Variants in ADGRB3 observed in about 807,000 individuals in gnomAD.
ADGRB3 encodes adhesion G protein-coupled receptor B3.
Under a neutral mutation model 193.4 loss-of-function variants are expected in ADGRB3, and 37 were observed. The observed-to-expected ratio is 0.19, with a 90% CI of 0.15 to 0.25. The LOEUF (loss-of-function observed/expected upper bound fraction) is 0.25, where lower values mean the gene tolerates loss of function less well. Among genes scored for constraint, ADGRB3 ranks in the 10% least tolerant of loss-of-function variants. The pLI, the probability that ADGRB3 is intolerant of heterozygous loss-of-function variation, is 1.00. For synonymous variants in ADGRB3, 690 were observed against 644.2 expected (o/e 1.07, Z -1.08); for missense variants, 1,637 against 1,852.9 (o/e 0.88, Z 2.14).
intron 20 of ADGRB3, among the ~76,000 whole-genome samples, chr6:69,312,324 C>T (rs1029231103): frequency 9.2e-5 from 14 of 151,696 alleles, no homozygotes; most frequent in African/African-American, 3.4e-4. Flanking sequence ...ATAGCAAACA[C>T]AGAAGGAAGA....
intron 16 of ADGRB3, among the ~76,000 whole-genome samples, chr6:69,068,905 C>T (rs1771990511): frequency 6.6e-6 from 1 of 152,146 alleles, no homozygotes; most frequent in South Asian, 2.1e-4. Flanking sequence ...CAGTGGCCTT[C>T]ATGTAATTCT....
At chr6:68,908,101 A>C (rs1766598427) in intron 3 of ADGRB3, among the ~76,000 whole-genome samples, 1 of 151,980 alleles carries the variant, frequency 6.6e-6, no homozygotes, top group African/African-American at 2.4e-5. Context: ...TTTAATATTA[A>C]AGACAATAAA....
At chr6:69,170,036 T>C (rs1039618601) in intron 17 of ADGRB3, among the ~76,000 whole-genome samples, 1 of 152,104 alleles carries the variant, frequency 6.6e-6, no homozygotes, top group Non-Finnish European at 1.5e-5. Flanking sequence ...TAGTTCTAAG[T>C]ACAATTAATG....
intron 3 of ADGRB3, among the ~76,000 whole-genome samples, chr6:68,827,548 T>C (rs2127382585): frequency 6.6e-6 from 1 of 152,186 alleles, no homozygotes; most frequent in South Asian, 2.1e-4. Context: ...GCTGGGATTT[T>C]GCTCCGGAAT....
intron 20 of ADGRB3, among the ~76,000 whole-genome samples, chr6:69,287,911 A>G (rs1411147752): frequency 6.6e-6 from 1 of 152,188 alleles, no homozygotes; most frequent in Non-Finnish European, 1.5e-5. Flanking sequence ...TTGTTCAGAT[A>G]CAGTTACTTT....
At chr6:69,388,645 A>G in intron 31 of ADGRB3, 58 bp from the exon 32 acceptor site, 4 of 1,507,282 alleles carry the variant, frequency 2.7e-6, no homozygotes, top group Non-Finnish European at 3.6e-6. Flanking sequence ...TGGAAACTTC[A>G]ACTAGCGGTG....
At chr6:69,163,518 G>A (rs376023225) in intron 17 of ADGRB3, among the ~76,000 whole-genome samples, 31 of 152,114 alleles carry the variant, frequency 2.0e-4, no homozygotes, top group Middle Eastern at 3.4e-3. Flanking sequence ...AAATTAAGGC[G>A]GAGAAAAGCT....
chr6:69,135,550 C>A (rs943515334), intron 17 of ADGRB3, among the ~76,000 whole-genome samples: 2 of 151,874 alleles, frequency 1.3e-5, no homozygotes, highest in African/African-American at 4.8e-5. Context: ...TAAGTACAGG[C>A]AACATGGCAT....
intron 3 of ADGRB3, among the ~76,000 whole-genome samples, chr6:68,764,675 C>A (rs1468385293): frequency 6.6e-6 from 1 of 152,084 alleles, no homozygotes; most frequent in Non-Finnish European, 1.5e-5. Context: ...TAAAATTGTC[C>A]TTTAAAATTA....
chr6:68,680,666 A>G (rs962896335), intron 3 of ADGRB3, among the ~76,000 whole-genome samples: 9 of 152,262 alleles, frequency 5.9e-5, no homozygotes, highest in African/African-American at 1.9e-4. Flanking sequence ...GAGCTACATG[A>G]TATCAGTGGC....
chr6:68,982,187 A>ACTTTG (rs1430680052), intron 10 of ADGRB3, among the ~76,000 whole-genome samples: 2 of 152,022 alleles, frequency 1.3e-5, no homozygotes, highest in African/African-American at 4.8e-5. Flanking sequence ...CTGTGAGTCT[A>ACTTTG]CTTTGCTTTT....
At chr6:69,268,098 G>A (rs537002464) in intron 20 of ADGRB3, among the ~76,000 whole-genome samples, 34 of 152,198 alleles carry the variant, frequency 2.2e-4, no homozygotes, top group Non-Finnish European at 3.2e-4. Flanking sequence ...ATGTATTCTC[G>A]TCTATAGAAA....
chr6:68,837,652 A>G (rs1486058769), intron 3 of ADGRB3, among the ~76,000 whole-genome samples: 2 of 152,218 alleles, frequency 1.3e-5, no homozygotes, highest in Non-Finnish European at 2.9e-5. Flanking sequence ...AGCTGAAGAA[A>G]TAGATATGGG....
intron 17 of ADGRB3, among the ~76,000 whole-genome samples, chr6:69,185,659 C>A (rs1765050366): frequency 6.6e-6 from 1 of 152,092 alleles, no homozygotes; most frequent in Admixed American, 6.6e-5. Context: ...TCACCAGGCT[C>A]TATTTAGGTC....
At chr6:69,170,979 A>G (rs934590166) in intron 17 of ADGRB3, among the ~76,000 whole-genome samples, 10 of 152,218 alleles carry the variant, frequency 6.6e-5, no homozygotes, top group African/African-American at 2.4e-4. Context: ...TAGTAGCCAT[A>G]CGAAAAGTAA....
chr6:68,958,446 T>C (rs960462865), intron 8 of ADGRB3, among the ~76,000 whole-genome samples: 1 of 152,268 alleles, frequency 6.6e-6, no homozygotes, highest in East Asian at 1.9e-4. Flanking sequence ...TTTGATGTTA[T>C]CTAAACCAGT....
chr6:69,139,491 A>G (rs1370956568), intron 17 of ADGRB3, among the ~76,000 whole-genome samples: 1 of 152,236 alleles, frequency 6.6e-6, no homozygotes, highest in African/African-American at 2.4e-5. Flanking sequence ...ATTTTATGTG[A>G]GGAATGGTTT....
rs531813935 is a variant in ADGRB3, at chr6:68,763,215, C to T, written c.757+123783C>T. Among the ~76,000 whole-genome samples the T allele has an allele frequency of 8.5e-5, 13 of 152,210 alleles. No homozygotes were observed. In the South Asian group the frequency reaches 1.5e-3, roughly 17 times the overall value. On this transcript the variant is annotated intron_variant, in intron 3 of 31. Coordinates refer to ENST00000370598, the MANE Select transcript of ADGRB3 (RefSeq NM_001704.3). ...AAGCGATTCTCCTGCCTCAGCTTCT[C>T]GAGTACATGGGATTACAGGCGCCCA...
At chr6:69,179,379 T>G (rs1364891958) in intron 17 of ADGRB3, among the ~76,000 whole-genome samples, 2 of 152,224 alleles carry the variant, frequency 1.3e-5, no homozygotes, top group Non-Finnish European at 2.9e-5. Context: ...CTTCTCCATT[T>G]CGTAGATTGC....
Sources: gnomAD v4.1 joint callset for allele counts (sites outside exome capture counted in the v4.1 genomes callset) on GRCh38, gnomAD v4.1.1 for gene constraint, MANE v1.5 for transcripts, NCBI Gene and HGNC (gene_info 2026-07-23, HGNC 2026-07-21) for gene names.